TFDP2: variants seen among roughly 807,000 people sequenced by gnomAD.
TFDP2 encodes the protein transcription factor Dp-2, also known as transcription factor Dp-2 (E2F dimerization partner 2).
A neutral mutation model predicts 59.3 loss-of-function variants in TFDP2; 17 were observed. The ratio of observed to expected loss-of-function variants is 0.29; its 90% CI spans 0.20 to 0.43. TFDP2 has a LOEUF of 0.43. TFDP2 is among the 20% of genes least tolerant of loss of function. The pLI, the probability that TFDP2 is intolerant of heterozygous loss-of-function variation, is 1.00. For missense variants in TFDP2, 391 were observed against 528.8 expected (o/e 0.74, Z 2.56); for synonymous variants, 180 against 194.7 (o/e 0.92, Z 0.63).
chr3:142,062,647 T>C (rs1203385850), intron 3 of TFDP2, among the ~76,000 whole-genome samples: 1 of 152,024 alleles, frequency 6.6e-6, no homozygotes, highest in Admixed American at 6.6e-5. Flanking sequence ...CCTAGGTGTA[T>C]GCCCTGTAGA....
At position 141,952,409 on chromosome 3, in the gene TFDP2, A is replaced by G. The variant is rs1936023887; in HGVS notation, c.*104T>C. 1 of 1,100,788 alleles carries G rather than the reference A, an allele frequency of 9.1e-7. No individual in the cohort carries two copies. Among genetic ancestry groups the G allele is most frequent in the East Asian group, 2.8e-5 (1 of 36,070 alleles). 68.2% of individuals were successfully genotyped at this position (1,100,788 alleles called of 1,614,324 possible). A position where few individuals can be genotyped will look rare whatever the true frequency, so the allele number is the denominator to read the frequency against. ...TTTCTCTAGTTTTCACTGAACACAC[A>G]GTGCAAACAAAGGCAAAGACTGAAG... On this transcript the variant is annotated 3_prime_UTR_variant, in exon 13 of 13. Transcript: ENST00000489671.
intron 8 of TFDP2, among the ~76,000 whole-genome samples, chr3:141,973,825 G>GT (rs1213669773): frequency 1.3e-5 from 2 of 151,308 alleles, no homozygotes; most frequent in Non-Finnish European, 2.9e-5. Flanking sequence ...AAATCAAATT[G>GT]TTATTCAACT....
intron 10 of TFDP2, among the ~76,000 whole-genome samples, chr3:141,961,306 C>T (rs374590670): frequency 7.0e-6 from 1 of 143,800 alleles, no homozygotes; most frequent in Admixed American, 7.2e-5. Flanking sequence ...TGCAGTGGCA[C>T]GATCTCGGCT....
At chr3:142,038,339 A>C in intron 3 of TFDP2, among the ~76,000 whole-genome samples, 1 of 148,334 alleles carries the variant, frequency 6.7e-6, no homozygotes, top group East Asian at 1.9e-4. Context: ...AGGTGAGCTC[A>C]TACCACTGTA....
intron 3 of TFDP2, among the ~76,000 whole-genome samples, chr3:142,032,686 A>G (rs972905778): frequency 6.6e-6 from 1 of 152,148 alleles, no homozygotes; most frequent in Non-Finnish European, 1.5e-5. Flanking sequence ...CATCCTTGTT[A>G]AAGGCATTAA....
chr3:142,014,331 G>A (rs988711133), intron 3 of TFDP2, among the ~76,000 whole-genome samples: 3 of 151,576 alleles, frequency 2.0e-5, no homozygotes, highest in Non-Finnish European at 4.4e-5. Flanking sequence ...TTTATTTTTT[G>A]TAGGGAGGGG....
chr3:142,010,722 T>C (rs1216444534), intron 3 of TFDP2, among the ~76,000 whole-genome samples: 1 of 145,744 alleles, frequency 6.9e-6, no homozygotes, highest in Non-Finnish European at 1.5e-5. Context: ...GAATCTACAA[T>C]GAACTCAAAC....
chr3:142,101,640 T>A, intron 2 of TFDP2, 95 bp downstream of exon 2: 1 of 789,690 alleles, frequency 1.3e-6, no homozygotes, highest in Non-Finnish European at 1.9e-6. Context: ...TGCAAGTAAA[T>A]TAAATCTGGT....
chr3:142,088,073 T>A (rs2060862383), intron 3 of TFDP2, among the ~76,000 whole-genome samples: 1 of 152,228 alleles, frequency 6.6e-6, no homozygotes, highest in Non-Finnish European at 1.5e-5. Context: ...CACCAGAATG[T>A]AAGCTCCATG....
chr3:141,992,914 A>T (rs1942922332), intron 6 of TFDP2, among the ~76,000 whole-genome samples: 1 of 152,218 alleles, frequency 6.6e-6, no homozygotes, highest in Admixed American at 6.5e-5. Context: ...AACAGACTAC[A>T]AGTGATTCTG....
chr3:142,008,901 T>C (rs1944428346), intron 3 of TFDP2, among the ~76,000 whole-genome samples: 1 of 152,192 alleles, frequency 6.6e-6, no homozygotes, highest in South Asian at 2.1e-4. Context: ...AGATTATTAG[T>C]GACCCTATTT....
At chr3:142,049,607 T>C (rs1947509723) in intron 3 of TFDP2, among the ~76,000 whole-genome samples, 4 of 151,338 alleles carry the variant, frequency 2.6e-5, no homozygotes, top group African/African-American at 7.2e-5. Flanking sequence ...CTAGAGGGCT[T>C]AGCCAGTGTA....
At chr3:141,963,736 C>A in intron 10 of TFDP2, 76 bp downstream of exon 10, 1 of 1,500,216 alleles carries the variant, frequency 6.7e-7, no homozygotes. Flanking sequence ...TAAAGTGCAT[C>A]CTTCTTGAGT....
intron 4 of TFDP2, among the ~76,000 whole-genome samples, chr3:141,998,396 T>G (rs1943472624): frequency 6.6e-6 from 1 of 151,858 alleles, no homozygotes; most frequent in Non-Finnish European, 1.5e-5. Context: ...AGGCTCCCAT[T>G]TGAGGTAGGG....
chr3:142,131,964 T>C (rs7616097), intron 1 of TFDP2, among the ~76,000 whole-genome samples: 135,467 of 142,424 alleles, frequency 0.95, 64,542 homozygotes, highest in East Asian at 1. Flanking sequence ...CAAAATCGCT[T>C]CATTGCACTC....
chr3:141,968,433 GAT>G lies in TFDP2; in HGVS notation c.732+1638_732+1639del, dbSNP rs575713662. Reference sequence around the variant, plus strand: ...ATATAACATATATATCTCATATATAGATATATATAACATATATATCTCATATA... The same window carrying G: ...ATATAACATATATATCTCATATATAGATATATAACATATATATCTCATATA... On this transcript the variant is annotated intron_variant, in intron 9 of 12. Coordinates refer to ENST00000489671, the MANE Select transcript of TFDP2 (RefSeq NM_001178139.2). 4.3e-3 allele frequency among the ~76,000 whole-genome samples: 271 copies of G among 63,400 alleles called. 31 individuals are homozygous for G. The highest frequency in any genetic ancestry group is 0.015 in the African/African-American group (229 of 15,734). The allele number at this position is 63,400 out of a possible 152,430, so 41.6% of individuals were successfully genotyped here. A position where few individuals can be genotyped will look rare whatever the true frequency, so the allele number is the denominator to read the frequency against.
chr3:141,967,105 CG>C (rs1347033544), intron 9 of TFDP2, among the ~76,000 whole-genome samples: 2 of 150,688 alleles, frequency 1.3e-5, no homozygotes, highest in Non-Finnish European at 3.0e-5. Flanking sequence ...TTAGTAGAGA[CG>C]GGGTTTCACC....
chr3:142,071,104 A>C (rs1336723166), intron 3 of TFDP2, among the ~76,000 whole-genome samples: 1 of 152,188 alleles, frequency 6.6e-6, no homozygotes, highest in Non-Finnish European at 1.5e-5. Context: ...GTGTGGCAGA[A>C]GGATAGGTGT....
intron 6 of TFDP2, among the ~76,000 whole-genome samples, chr3:141,981,964 T>C (rs923544406): frequency 5.9e-5 from 9 of 152,136 alleles, no homozygotes; most frequent in Non-Finnish European, 1.0e-4. Context: ...AGAAGGGTCA[T>C]TTACTGAGAT....
Sources: allele counts gnomAD v4.1 joint callset (sites outside exome capture counted in the v4.1 genomes callset), GRCh38; gene constraint gnomAD v4.1.1; transcripts MANE v1.5; gene names NCBI Gene and HGNC (gene_info 2026-07-23, HGNC 2026-07-21).